The following ZAR1L variants were observed in gnomAD, a reference collection of about 807,000 sequenced individuals.
ZAR1L encodes protein ZAR1-like.
In ZAR1L, 16 loss-of-function variants were observed where a neutral mutation model predicts 30.0. The ratio of observed to expected loss-of-function variants is 0.53; its 90% CI spans 0.36 to 0.81. The LOEUF is 0.81. ZAR1L is among the 30% of genes least tolerant of loss of function. ZAR1L has a pLI of 0.00. For missense variants in ZAR1L, 392 were observed against 417.2 expected (o/e 0.94, Z 0.53); for synonymous variants, 197 against 166.8 (o/e 1.18, Z -1.40).
In ZAR1L at chr13:32,311,372, T is replaced by C; in HGVS notation, c.554A>G (p.Glu185Gly). ...CGGGGCGTCTTTCTCCCCCGATTCC[T>C]CCAGCTGCCCGGGCTCCTCCTGCCT... ...ADRQEEPGQL[E>G]ESGEKDAPCP... is the part of the protein sequence containing the mutation. The change falls in exon 3 of 6, where the codon GAG becomes GGG. Residue 185 changes from glutamate to glycine, a missense_variant. Glu to Gly is a moderately conservative substitution (Grantham distance 98). Coordinates refer to ENST00000533490, the MANE Select transcript of ZAR1L (RefSeq NM_001136571.2). 1 of 1,550,894 alleles carries C rather than the reference T, an allele frequency of 6.4e-7. No individual in the cohort carries two copies. Among genetic ancestry groups the C allele is most frequent in the Non-Finnish European group, 8.7e-7 (1 of 1,146,962 alleles).
intron 5 of ZAR1L, among the ~76,000 whole-genome samples, chr13:32,308,108 T>C (rs1004952359): frequency 3.3e-5 from 5 of 152,222 alleles, no homozygotes; most frequent in Non-Finnish European, 5.9e-5. Context: ...GCCTATTTAT[T>C]TCTACTAATT....
chr13:32,308,828 G>A, intron 4 of ZAR1L, 68 bp from the exon 5 acceptor site: 1 of 1,056,828 alleles, frequency 9.5e-7, no homozygotes, highest in Non-Finnish European at 1.4e-6. Context: ...AAGGCTCCCA[G>A]TTCTTAAGTA....
chr13:32,308,218 A>G (rs2072189799), intron 5 of ZAR1L, among the ~76,000 whole-genome samples: 1 of 152,238 alleles, frequency 6.6e-6, no homozygotes, highest in South Asian at 2.1e-4. Context: ...GTGAATTTCT[A>G]AACATTGGAG....
rs865875625 is a variant in ZAR1L at position 32,303,763 on chromosome 13, G to A, written c.*116C>T. The A allele has an allele frequency of 5.0e-6, 5 of 1,006,230 alleles. 1 individual carries two copies. The Middle Eastern group carries it at 1.1e-3, about 217-fold the overall frequency. 62.3% of individuals were successfully genotyped at this position (1,006,230 alleles called of 1,614,324 possible). A position where few individuals can be genotyped will look rare whatever the true frequency, so the allele number is the denominator to read the frequency against. On this transcript the variant is annotated 3_prime_UTR_variant, in exon 6 of 6. Transcript: ENST00000533490. ...ACAATTGTTACACAATCTACAAAAA[G>A]TACAAAAGCCTAGCCATTTTCCGAT...
chr13:32,311,513 C>T lies in ZAR1L; in HGVS notation c.413G>A (p.Gly138Asp), dbSNP rs1289076462. ...CCGCAGGCGGATCAAGCCCCTGCGG[C>T]CGGTGGCGGGCGAAGTGACCCCACA... ...PACGVTSPAT[G>D]RRGLIRLRRD... The change falls in exon 3 of 6, where the codon GGC becomes GAC. Residue 138 changes from glycine to aspartate, a missense_variant. By Grantham distance (94) the Gly-to-Asp change is moderately conservative (BLOSUM62 -1). Transcript: ENST00000533490. The T allele has an allele frequency of 6.5e-7, 1 of 1,538,636 alleles. No homozygotes were observed. Among genetic ancestry groups the T allele is most frequent in the Non-Finnish European group, 8.8e-7 (1 of 1,141,586 alleles).
At chr13:32,307,359 C>T (rs550445571) in intron 5 of ZAR1L, among the ~76,000 whole-genome samples, 9 of 151,644 alleles carry the variant, frequency 5.9e-5, no homozygotes, top group Middle Eastern at 3.4e-3. Context: ...ATTAGCCAGG[C>T]ATGGTAGCAG....
intron 5 of ZAR1L, among the ~76,000 whole-genome samples, chr13:32,305,208 T>A (rs1053591168): frequency 2.0e-5 from 3 of 152,070 alleles, no homozygotes; most frequent in Admixed American, 6.6e-5. Context: ...AGAATATGCC[T>A]CCTTATGAGA....
chr13:32,306,814 C>T (rs2072178883), intron 5 of ZAR1L, among the ~76,000 whole-genome samples: 2 of 151,222 alleles, frequency 1.3e-5, no homozygotes, highest in Admixed American at 1.3e-4. Flanking sequence ...GCCTGTAATC[C>T]CAGCTACTAG....
rs909853625 is a variant in ZAR1L at position 32,312,676 on chromosome 13, G to A, written c.-168-583C>T. Among the ~76,000 whole-genome samples the A allele has an allele frequency of 3.3e-5, 5 of 152,088 alleles. No homozygotes were observed. The South Asian group carries it at 1.0e-3, about 32-fold the overall frequency. ...GCAGATGACCTAAGGTCAGGAGTTCGAGACCAACCTGGCCAACATGATGAA... is the reference window on the plus strand; with the variant it reads ...GCAGATGACCTAAGGTCAGGAGTTCAAGACCAACCTGGCCAACATGATGAA... On this transcript the variant is annotated intron_variant, in intron 2 of 5. Coordinates refer to ENST00000533490, the MANE Select transcript of ZAR1L (RefSeq NM_001136571.2).
At chr13:32,314,911 G>C (rs1452486462) in intron 1 of ZAR1L, among the ~76,000 whole-genome samples, 1 of 152,044 alleles carries the variant, frequency 6.6e-6, no homozygotes, top group Non-Finnish European at 1.5e-5. Flanking sequence ...CACACTTCAT[G>C]AGCGAGTTAA....
chr13:32,313,398 G>A (rs574805561), intron 2 of ZAR1L, among the ~76,000 whole-genome samples: 13 of 152,238 alleles, frequency 8.5e-5, no homozygotes, highest in Admixed American at 7.8e-4. Context: ...GAGTTTCCTT[G>A]CTCTGTCTCC....
At position 32,314,395 on chromosome 13, in the gene ZAR1L, C is replaced by CA. The variant is rs1383723006; in HGVS notation, c.-235dup. ...CACCTTCTGGAAGCAGCAAGGCCCC[C>CA]ATGGGAGCAACTCTCACTGAATCCA... On this transcript the variant is annotated 5_prime_UTR_variant, in exon 2 of 6. An upstream start codon of the reference 5' UTR is lost. Coordinates refer to ENST00000533490, the MANE Select transcript of ZAR1L (RefSeq NM_001136571.2). The CA allele has an allele frequency of 6.6e-6, 1 of 152,258 alleles. No homozygotes were observed. Among genetic ancestry groups the CA allele is most frequent in the Non-Finnish European group, 1.5e-5 (1 of 68,066 alleles). The allele number at this position is 152,258 out of a possible 1,614,324, so 9.4% of individuals were successfully genotyped here. A position where few individuals can be genotyped will look rare whatever the true frequency, so the allele number is the denominator to read the frequency against.
At position 32,310,682 on chromosome 13, in the gene ZAR1L, C is replaced by T; in HGVS notation, c.704G>A (p.Arg235Lys). The change falls in exon 4 of 6, where the codon AGG becomes AAG. Residue 235 changes from arginine to lysine, a missense_variant. Transcript: ENST00000533490. Reference sequence around the variant, plus strand: ...GCACCACACGTAAGCACTCTCCCACCTGGTCTTACAATCTTTACAGTGGAA... The same window carrying T: ...GCACCACACGTAAGCACTCTCCCACTTGGTCTTACAATCTTTACAGTGGAA... ...GYFHCKDCKTRWESAYVWCIS... is the reference protein window; with the variant it reads ...GYFHCKDCKTKWESAYVWCIS... 6.4e-7 allele frequency: 1 copy of T among 1,551,914 alleles called. No homozygotes were observed. Among genetic ancestry groups the T allele is most frequent in the Non-Finnish European group, 8.7e-7 (1 of 1,147,008 alleles).
intron 5 of ZAR1L, 113 bp from the exon 6 acceptor site, chr13:32,304,135 C>T (rs2072157930): frequency 8.7e-7 from 1 of 1,148,816 alleles, no homozygotes; most frequent in Non-Finnish European, 1.2e-6. Context: ...CCTTCATCCT[C>T]TGAGTCCTAC....
chr13:32,307,498 CAAAAAAAAAAAA>C (rs772822284), intron 5 of ZAR1L, among the ~76,000 whole-genome samples: 155 of 15,384 alleles, frequency 0.01, 4 homozygotes, highest in African/African-American at 0.044. Flanking sequence ...GAGTCTGTCT[CAAAAAAAAAAAA>C]AAAAAAAAAA....
chr13:32,311,632 C>G lies in ZAR1L; in HGVS notation c.294G>C (p.Arg98=), dbSNP rs1490531637. The part of the protein sequence containing the change: ...TKEVGVQVSP[R]VDKAVQCSLG... ...GAGAGCACTGCACAGCCTTGTCCACCCGCGGGCTCACCTGCACGCCCACCT... is the reference window on the plus strand; with the variant it reads ...GAGAGCACTGCACAGCCTTGTCCACGCGCGGGCTCACCTGCACGCCCACCT... Residue 98 remains arginine, a synonymous_variant, in exon 3 of 6, where the codon CGG becomes CGC. Coordinates refer to ENST00000533490, the MANE Select transcript of ZAR1L (RefSeq NM_001136571.2). 9 of 1,551,144 alleles carry G rather than the reference C, an allele frequency of 5.8e-6. No individual in the cohort carries two copies. Among genetic ancestry groups the G allele is most frequent in the Non-Finnish European group, 7.8e-6 (9 of 1,146,940 alleles).
intron 4 of ZAR1L, among the ~76,000 whole-genome samples, chr13:32,309,084 G>C (rs1410140145): frequency 6.6e-6 from 1 of 150,840 alleles, no homozygotes; most frequent in Non-Finnish European, 1.5e-5. Flanking sequence ...CCCGCCTCCT[G>C]GGTTCAAGCG....
Position 32,312,076 on chromosome 13 carries a change from G to GA in ZAR1L, c.-152dup. The GA allele has an allele frequency of 1.1e-6, 1 of 916,346 alleles. No individual in the cohort carries two copies. Among genetic ancestry groups the GA allele is most frequent in the South Asian group, 1.8e-5 (1 of 55,122 alleles). 56.8% of individuals were successfully genotyped at this position (916,346 alleles called of 1,614,324 possible). On this transcript the variant is annotated 5_prime_UTR_variant, in exon 3 of 6. Transcript: ENST00000533490. ...CTCCATTTATTTCAGATTCTAATGG[G>GA]AGCTGCTGCTTATTACCCTGATTGA...
intron 5 of ZAR1L, among the ~76,000 whole-genome samples, chr13:32,306,034 T>C (rs2072172147): frequency 6.6e-6 from 1 of 152,218 alleles, no homozygotes; most frequent in Non-Finnish European, 1.5e-5. Context: ...ATAAAACTAA[T>C]ATTTCCAGCA....
Sources: gnomAD v4.1 joint callset for allele counts (sites outside exome capture counted in the v4.1 genomes callset) on GRCh38, gnomAD v4.1.1 for gene constraint, MANE v1.5 for transcripts, NCBI Gene and HGNC (gene_info 2026-07-23, HGNC 2026-07-21) for gene names.